The following PRKN variants were observed in gnomAD, a reference collection of about 807,000 sequenced individuals.
The protein encoded by PRKN is E3 ubiquitin-protein ligase parkin.
In PRKN, 56 loss-of-function variants were observed where a neutral mutation model predicts 59.5. The ratio of observed to expected loss-of-function variants is 0.94; its 90% CI spans 0.76 to 1.18. PRKN has a LOEUF of 1.18. PRKN is among the 50% of genes most tolerant of loss of function. The pLI, the probability that PRKN is intolerant of heterozygous loss-of-function variation, is 0.00. For missense variants in PRKN, 657 were observed against 596.4 expected (o/e 1.10, Z -1.06); for synonymous variants, 250 against 222.1 (o/e 1.13, Z -1.12).
chr6:161,998,976 G>T (rs2128261807), intron 5 of PRKN, among the ~76,000 whole-genome samples: 1 of 152,120 alleles, frequency 6.6e-6, no homozygotes, highest in South Asian at 2.1e-4. Flanking sequence ...CTAGTCTTTT[G>T]AGAATGAAAA....
At chr6:161,768,877 A>G (rs1005348085) in intron 7 of PRKN, among the ~76,000 whole-genome samples, 1 of 152,252 alleles carries the variant, frequency 6.6e-6, no homozygotes, top group African/African-American at 2.4e-5. Flanking sequence ...ATCAGTGAGA[A>G]GAGAAAAATA....
intron 5 of PRKN, among the ~76,000 whole-genome samples, chr6:161,992,542 T>G (rs1434315569): frequency 6.6e-6 from 1 of 152,200 alleles, no homozygotes; most frequent in Non-Finnish European, 1.5e-5. Context: ...CAGCACTGGA[T>G]AGATCTATGA....
At chr6:161,818,751 C>T (rs1222944383) in intron 6 of PRKN, among the ~76,000 whole-genome samples, 1 of 152,108 alleles carries the variant, frequency 6.6e-6, no homozygotes, top group Non-Finnish European at 1.5e-5. Flanking sequence ...CTCAAAAAAA[C>T]TAGAAGGCAA....
chr6:161,757,886 TACACACACACACACACAC>T (rs373332894), intron 7 of PRKN, among the ~76,000 whole-genome samples: 3 of 116,234 alleles, frequency 2.6e-5, no homozygotes, highest in African/African-American at 1.1e-4. Flanking sequence ...TATATATATA[TACACACACACACACACAC>T]ACACACACAC....
intron 7 of PRKN, among the ~76,000 whole-genome samples, chr6:161,607,596 C>T (rs1443907605): frequency 6.6e-6 from 1 of 152,010 alleles, no homozygotes; most frequent in African/African-American, 2.4e-5. Context: ...GGAGAAATCT[C>T]TTTGAAAGAA....
At chr6:162,349,213 A>C (rs1583422193) in intron 2 of PRKN, among the ~76,000 whole-genome samples, 1 of 150,120 alleles carries the variant, frequency 6.7e-6, no homozygotes, top group African/African-American at 2.4e-5. Context: ...CACGCCTGTA[A>C]TCCTAGCACT....
chr6:162,238,497 A>G (rs1469793357), intron 3 of PRKN, among the ~76,000 whole-genome samples: 2 of 152,216 alleles, frequency 1.3e-5, no homozygotes, highest in Non-Finnish European at 2.9e-5. Flanking sequence ...TCTAATTCTG[A>G]TCAAGCCTAG....
intron 2 of PRKN, among the ~76,000 whole-genome samples, chr6:162,322,082 A>G (rs1328354346): frequency 1.5e-5 from 2 of 136,950 alleles, no homozygotes; most frequent in Non-Finnish European, 3.3e-5. Context: ...TTGCCTCCAT[A>G]GAAATTTCTA....
chr6:162,255,832 T>C (rs765322388), intron 3 of PRKN, among the ~76,000 whole-genome samples: 9 of 152,182 alleles, frequency 5.9e-5, no homozygotes, highest in Non-Finnish European at 7.3e-5. Flanking sequence ...CAGTGCGTAG[T>C]ATATACCAGG....
intron 7 of PRKN, among the ~76,000 whole-genome samples, chr6:161,692,960 A>G (rs1240576064): frequency 1.7e-5 from 2 of 119,972 alleles, no homozygotes; most frequent in African/African-American, 2.8e-5. Flanking sequence ...AAAAAAAAAA[A>G]AAAAAGAAAA....
At chr6:162,176,092 C>A (rs1301810856) in intron 4 of PRKN, among the ~76,000 whole-genome samples, 1 of 152,206 alleles carries the variant, frequency 6.6e-6, no homozygotes, top group Non-Finnish European at 1.5e-5. Flanking sequence ...ATATTCAACT[C>A]TTACCTGCTA....
chr6:161,680,524 G>A (rs1305211175), intron 7 of PRKN, among the ~76,000 whole-genome samples: 2 of 151,784 alleles, frequency 1.3e-5, no homozygotes, highest in Admixed American at 6.6e-5. Flanking sequence ...TTAATGCAAT[G>A]AGCATGCTGC....
chr6:161,916,916 C>T (rs1488458688), intron 6 of PRKN, among the ~76,000 whole-genome samples: 1 of 152,136 alleles, frequency 6.6e-6, no homozygotes, highest in African/African-American at 2.4e-5. Flanking sequence ...CTCCTCCTGC[C>T]CCAGCCTCCC....
At chr6:162,323,872 T>A (rs1381129514) in intron 2 of PRKN, among the ~76,000 whole-genome samples, 1 of 152,286 alleles carries the variant, frequency 6.6e-6, no homozygotes, top group Admixed American at 6.5e-5. Context: ...AAGCTGATCA[T>A]ATGACTAAGC....
chr6:161,906,081 C>T (rs1202971619), intron 6 of PRKN, among the ~76,000 whole-genome samples: 1 of 152,102 alleles, frequency 6.6e-6, no homozygotes, highest in Non-Finnish European at 1.5e-5. Context: ...GTCCTCTCAC[C>T]TGGGGCCTCC....
intron 3 of PRKN, among the ~76,000 whole-genome samples, chr6:162,248,897 T>A (rs951922800): frequency 2.0e-5 from 3 of 151,810 alleles, no homozygotes; most frequent in Admixed American, 1.3e-4. Context: ...TTTTTTTTTT[T>A]AAGACAGAGT....
chr6:162,333,038 G>C (rs1404203037), intron 2 of PRKN, among the ~76,000 whole-genome samples: 2 of 152,074 alleles, frequency 1.3e-5, no homozygotes, highest in Non-Finnish European at 2.9e-5. Flanking sequence ...GATATTTTGA[G>C]ATAATATTAA....
chr6:161,804,513 C>G lies in PRKN; in HGVS notation c.735-18605G>C, dbSNP rs747149988. Among the ~76,000 whole-genome samples, 9 of 152,192 alleles carry G rather than the reference C, an allele frequency of 5.9e-5. No individual in the cohort carries two copies. The South Asian group carries it at 8.3e-4, about 14-fold the overall frequency. On this transcript the variant is annotated intron_variant, in intron 6 of 11. Coordinates refer to ENST00000366898, the MANE Select transcript of PRKN (RefSeq NM_004562.3). ...CTGAACTCCCTCTCCATCCCCTTCC[C>G]TCCCCTCCACTGGTGAGGTTGGACC...
chr6:162,205,973 T>G (rs563804538), intron 3 of PRKN, among the ~76,000 whole-genome samples: 3 of 152,296 alleles, frequency 2.0e-5, no homozygotes, highest in Admixed American at 6.5e-5. Context: ...GGAGACTCAC[T>G]GGGCAGTGAA....
Sources: gnomAD v4.1 joint callset for allele counts (sites outside exome capture counted in the v4.1 genomes callset) on GRCh38, gnomAD v4.1.1 for gene constraint, MANE v1.5 for transcripts, NCBI Gene and HGNC (gene_info 2026-07-23, HGNC 2026-07-21) for gene names.